FANCC: variants seen among roughly 807,000 people sequenced by gnomAD.
The protein encoded by FANCC is Fanconi anemia group C protein.
A neutral mutation model predicts 71.3 loss-of-function variants in FANCC; 55 were observed. The observed-to-expected ratio is 0.77, with a 90% CI of 0.62 to 0.97. FANCC has a LOEUF of 0.97. Among genes scored for constraint, FANCC ranks in the 50% least tolerant of loss-of-function variants. The pLI is 0.00. For missense variants in FANCC, 678 were observed against 670.9 expected, an observed-to-expected ratio of 1.01 and a Z score of -0.12; for synonymous variants, 275 against 244.9, an observed-to-expected ratio of 1.12 and a Z score of -1.15.
intron 1 of FANCC, among the ~76,000 whole-genome samples, chr9:95,286,756 G>T (rs1046595752): frequency 5.3e-5 from 8 of 152,176 alleles, no homozygotes; most frequent in African/African-American, 1.7e-4. Flanking sequence ...CCAGTGTCCA[G>T]CCACAGCACT....
intron 4 of FANCC, among the ~76,000 whole-genome samples, chr9:95,183,405 T>C (rs761763443): frequency 2.0e-5 from 3 of 152,224 alleles, no homozygotes; most frequent in Non-Finnish European, 2.9e-5. Flanking sequence ...AGCCACACAA[T>C]AGTCATTCAA....
At chr9:95,230,556 C>T (rs1829937750) in intron 4 of FANCC, among the ~76,000 whole-genome samples, 4 of 152,062 alleles carry the variant, frequency 2.6e-5, no homozygotes, top group Admixed American at 2.6e-4. Flanking sequence ...GAGTTTGTTC[C>T]TTCAGATGTT....
chr9:95,272,444 C>T (rs1832795649), intron 1 of FANCC, among the ~76,000 whole-genome samples: 3 of 152,038 alleles, frequency 2.0e-5, no homozygotes, highest in Non-Finnish European at 4.4e-5. Flanking sequence ...ATAAGTTAGC[C>T]GGCTGCAGTT....
At chr9:95,239,995 TG>T (rs977473877) in intron 4 of FANCC, among the ~76,000 whole-genome samples, 1 of 152,224 alleles carries the variant, frequency 6.6e-6, no homozygotes, top group Non-Finnish European at 1.5e-5. Context: ...GCCAATGCGC[TG>T]CTGGTGAGGG....
chr9:95,288,261 A>G (rs965807350), intron 1 of FANCC, among the ~76,000 whole-genome samples: 2 of 152,218 alleles, frequency 1.3e-5, no homozygotes, highest in Admixed American at 6.5e-5. Context: ...CAAGTCGATC[A>G]TGTTTGTTCT....
chr9:95,260,295 G>A (rs1193499236), intron 1 of FANCC, among the ~76,000 whole-genome samples: 1 of 152,108 alleles, frequency 6.6e-6, no homozygotes, highest in Non-Finnish European at 1.5e-5. Context: ...CAACCCAAAT[G>A]CCCATAAATG....
intron 1 of FANCC, among the ~76,000 whole-genome samples, chr9:95,280,948 G>C (rs894939804): frequency 6.6e-6 from 1 of 152,078 alleles, no homozygotes; most frequent in Admixed American, 6.6e-5. Flanking sequence ...TAGCAGAATT[G>C]TTCAATTAGA....
At chr9:95,198,558 A>T (rs1827600492) in intron 4 of FANCC, among the ~76,000 whole-genome samples, 1 of 152,166 alleles carries the variant, frequency 6.6e-6, no homozygotes, top group South Asian at 2.1e-4. Flanking sequence ...CGTTTTGGAA[A>T]ATCACCTCCT....
At chr9:95,111,270 C>T (rs1227512774) in intron 13 of FANCC, 193 bp downstream of exon 13, 26 of 1,550,990 alleles carry the variant, frequency 1.7e-5, no homozygotes, top group African/African-American at 2.7e-5. Flanking sequence ...CTGGCCACCT[C>T]GGTGGGGACA....
chr9:95,180,324 G>C (rs1423151288), intron 4 of FANCC, among the ~76,000 whole-genome samples: 1 of 142,220 alleles, frequency 7.0e-6, no homozygotes, highest in African/African-American at 2.6e-5. Flanking sequence ...GCCTAAAGCT[G>C]TCTTACAGTT....
chr9:95,315,410 A>G (rs1835678605), intron 1 of FANCC, among the ~76,000 whole-genome samples: 2 of 152,140 alleles, frequency 1.3e-5, no homozygotes, highest in Admixed American at 6.5e-5. Context: ...CTTTTTGTAG[A>G]GACAGGGCTC....
chr9:95,179,098 C>T (rs573390492), intron 4 of FANCC, among the ~76,000 whole-genome samples: 2 of 152,246 alleles, frequency 1.3e-5, no homozygotes, highest in East Asian at 3.9e-4. Context: ...GGTTTATGCT[C>T]GTTAACCAAA....
At chr9:95,227,844 A>C (rs1022430570) in intron 4 of FANCC, among the ~76,000 whole-genome samples, 1 of 152,168 alleles carries the variant, frequency 6.6e-6, no homozygotes, top group Admixed American at 6.5e-5. Flanking sequence ...GTTTCTAGCT[A>C]TCTCTCTGCC....
At chr9:95,206,176 G>C (rs1828110640) in intron 4 of FANCC, among the ~76,000 whole-genome samples, 1 of 152,190 alleles carries the variant, frequency 6.6e-6, no homozygotes, top group Non-Finnish European at 1.5e-5. Context: ...GAGGAGGCGG[G>C]AGAAGGAGGA....
At chr9:95,231,578 C>T (rs1011397626) in intron 4 of FANCC, among the ~76,000 whole-genome samples, 15 of 152,154 alleles carry the variant, frequency 9.9e-5, no homozygotes, top group Admixed American at 2.0e-4. Context: ...TCTCACTCAC[C>T]ATTCAAATTG....
chr9:95,227,568 T>C (rs1829698796), intron 4 of FANCC, among the ~76,000 whole-genome samples: 1 of 152,194 alleles, frequency 6.6e-6, no homozygotes. Context: ...CTCCCACTTC[T>C]CCAACATCTC....
rs367558850 is a variant in FANCC at position 95,275,576 on chromosome 9, T to A, written c.-78-26207A>T. Among the ~76,000 whole-genome samples the A allele has an allele frequency of 1.2e-3, 183 of 152,076 alleles. 2 individuals are homozygous for A. Among genetic ancestry groups the A allele is most frequent in the African/African-American group, 4.3e-3 (178 of 41,480 alleles). On this transcript the variant is annotated intron_variant, in intron 1 of 14. Transcript: ENST00000289081. ...GTGGGGGATGTTGACAGTAGGGGGATGTTATGCATGTGGGGGCATGGGGTA... is the reference window on the plus strand; with the variant it reads ...GTGGGGGATGTTGACAGTAGGGGGAAGTTATGCATGTGGGGGCATGGGGTA...
intron 1 of FANCC, among the ~76,000 whole-genome samples, chr9:95,255,780 G>A (rs186854479): frequency 6.6e-6 from 1 of 152,138 alleles, no homozygotes; most frequent in Non-Finnish European, 1.5e-5. Flanking sequence ...TTAACCCAAT[G>A]CAAGGAAGCT....
At chr9:95,136,637 TCAC>T (rs1450959302) in intron 7 of FANCC, among the ~76,000 whole-genome samples, 1 of 152,166 alleles carries the variant, frequency 6.6e-6, no homozygotes, top group African/African-American at 2.4e-5. Flanking sequence ...CAGGTGCACG[TCAC>T]CACATCTGGC....
Sources: allele counts gnomAD v4.1 joint callset (sites outside exome capture counted in the v4.1 genomes callset), GRCh38; gene constraint gnomAD v4.1.1; transcripts MANE v1.5; gene names NCBI Gene and HGNC (gene_info 2026-07-23, HGNC 2026-07-21).